Variants in GBX1 observed in about 807,000 individuals in gnomAD.
GBX1 encodes the protein homeobox protein GBX-1.
A neutral mutation model predicts 22.9 loss-of-function variants in GBX1; 9 were observed. The ratio of observed to expected loss-of-function variants is 0.39; its 90% CI spans 0.24 to 0.69. The LOEUF is 0.69. GBX1 is among the 30% of genes least tolerant of loss of function. The pLI is 0.43. For synonymous variants in GBX1, 203 were observed against 227.3 expected (o/e 0.89, Z 0.96); for missense variants, 494 against 509.2 (o/e 0.97, Z 0.29).
At position 151,148,803 on chromosome 7, in the gene GBX1, T is replaced by C; in HGVS notation, c.878A>G (p.Gln293Arg). ...KKYLSLTERS[Q>R]IAHALKLSEV... is the part of the protein sequence containing the mutation. ...ACTGAGCTTGAGGGCGTGGGCGATCTGAGAGCGCTCTGTCAAGCTCAGGTA... is the reference window on the plus strand; with the variant it reads ...ACTGAGCTTGAGGGCGTGGGCGATCCGAGAGCGCTCTGTCAAGCTCAGGTA... The change falls in exon 2 of 2, where the codon CAG becomes CGG. Residue 293 changes from glutamine (Q) to arginine (R), a missense_variant. Transcript: ENST00000297537. The surrounding 1 kb of genome is among the most constrained non-coding windows in gnomAD (Gnocchi z 5.1). The C allele has an allele frequency of 1.9e-6, 3 of 1,614,212 alleles. No homozygotes were observed. Among genetic ancestry groups the C allele is most frequent in the Non-Finnish European group, 2.5e-6 (3 of 1,180,032 alleles).
chr7:151,166,962 T>A (rs1314047836), intron 1 of GBX1, 49 bp downstream of exon 1: 1 of 1,581,018 alleles, frequency 6.3e-7, no homozygotes, highest in Non-Finnish European at 8.6e-7. Context: ...TGTCTGGAAT[T>A]TCCAGGTGAA....
intron 1 of GBX1, chr7:151,149,915 C>G (rs549017859): frequency 1.5e-4 from 70 of 456,018 alleles, no homozygotes; most frequent in South Asian, 1.0e-3. Flanking sequence ...CCATCTCTTT[C>G]CCACCTTCCC....
intron 1 of GBX1, among the ~76,000 whole-genome samples, chr7:151,160,128 C>G (rs1382409513): frequency 2.0e-5 from 3 of 152,144 alleles, no homozygotes; most frequent in Non-Finnish European, 4.4e-5. Flanking sequence ...TAGATAAAAA[C>G]AGAATTGTAG....
Position 151,167,529 on chromosome 7 carries a change from C to A in GBX1, c.20G>T (p.Gly7Val). 1 of 1,463,040 alleles carries A rather than the reference C, an allele frequency of 6.8e-7. No individual in the cohort carries two copies. Among genetic ancestry groups the A allele is most frequent in the Non-Finnish European group, 8.9e-7 (1 of 1,118,926 alleles). 90.6% of individuals were successfully genotyped at this position (1,463,040 alleles called of 1,614,324 possible). MQRAGG[G>V]SAPGGNGGGG... ...CCCGCCGTTGCCCCCAGGGGCGCTA[C>A]CGCCTCCGGCCCGCTGCATCTTGTT... The change falls in exon 1 of 2, where the codon GGT becomes GTT. Residue 7 changes from glycine to valine, a missense_variant. Gly to Val is a moderately radical substitution (Grantham distance 109). Transcript: ENST00000297537. This position sits in a 1 kb window ranked among gnomAD's most constrained non-coding sequence, Gnocchi z 5.9.
chr7:151,156,265 T>C (rs756250585), intron 1 of GBX1, among the ~76,000 whole-genome samples: 2 of 151,532 alleles, frequency 1.3e-5, no homozygotes, highest in South Asian at 2.1e-4. Context: ...CTTACACCTG[T>C]AATCCCAACT....
At chr7:151,156,263 T>C (rs1801132612) in intron 1 of GBX1, among the ~76,000 whole-genome samples, 1 of 151,510 alleles carries the variant, frequency 6.6e-6, no homozygotes. Flanking sequence ...GGCTTACACC[T>C]GTAATCCCAA....
At chr7:151,160,746 T>G (rs1392734061) in intron 1 of GBX1, among the ~76,000 whole-genome samples, 2 of 152,216 alleles carry the variant, frequency 1.3e-5, no homozygotes, top group African/African-American at 4.8e-5. Flanking sequence ...TCCTAGCACA[T>G]TAGCATTTCA....
chr7:151,156,209 C>G (rs1206003054), intron 1 of GBX1, among the ~76,000 whole-genome samples: 1 of 151,502 alleles, frequency 6.6e-6, no homozygotes, highest in Non-Finnish European at 1.5e-5. Flanking sequence ...CATGATGAAA[C>G]CCTGTCTCTA....
rs962341915 is a variant in GBX1 at position 151,162,474 on chromosome 7, T to C, written c.538+4537A>G. ...TCTCCTTGCATGATTTCAATTATTA[T>C]TGCCAATCTGTATTCAGAAATTAGC... On this transcript the variant is annotated intron_variant, in intron 1 of 1. Coordinates refer to ENST00000297537, the MANE Select transcript of GBX1 (RefSeq NM_001098834.3). Among the ~76,000 whole-genome samples, 6 of 152,352 alleles carry C rather than the reference T, an allele frequency of 3.9e-5. No homozygotes were observed. The South Asian group carries it at 1.2e-3, about 32-fold the overall frequency.
At chr7:151,166,474 A>ACCCCCC (rs376110409) in intron 1 of GBX1, among the ~76,000 whole-genome samples, 1 of 70,646 alleles carries the variant, frequency 1.4e-5, no homozygotes, top group Non-Finnish European at 2.7e-5. Context: ...TTGAGACGCA[A>ACCCCCC]CCCCCCCCCC....
chr7:151,152,879 G>A (rs1440486272), intron 1 of GBX1, among the ~76,000 whole-genome samples: 1 of 152,192 alleles, frequency 6.6e-6, no homozygotes, highest in South Asian at 2.1e-4. Context: ...AGGGGCAAGA[G>A]TTTCTCTCTG....
chr7:151,151,925 G>A (rs1185242287), intron 1 of GBX1, among the ~76,000 whole-genome samples: 1 of 152,082 alleles, frequency 6.6e-6, no homozygotes. Context: ...GTCTTTATCA[G>A]TGACACCTCC....
chr7:151,156,703 G>A (rs1166052684), intron 1 of GBX1, among the ~76,000 whole-genome samples: 1 of 151,852 alleles, frequency 6.6e-6, no homozygotes, highest in African/African-American at 2.4e-5. Context: ...ATGCATTTTT[G>A]GCTGGGCACG....
intron 1 of GBX1, among the ~76,000 whole-genome samples, chr7:151,163,014 C>T (rs1022767048): frequency 1.3e-5 from 2 of 152,090 alleles, no homozygotes; most frequent in Middle Eastern, 3.2e-3. Context: ...CCATGTTGGT[C>T]AGGCTAGTCT....
At chr7:151,155,186 C>T (rs1401390007) in intron 1 of GBX1, among the ~76,000 whole-genome samples, 1 of 152,222 alleles carries the variant, frequency 6.6e-6, no homozygotes, top group Non-Finnish European at 1.5e-5. Context: ...AGGTTAGGTT[C>T]TCTCCTGGTC....
chr7:151,162,224 C>T (rs1000447064), intron 1 of GBX1, among the ~76,000 whole-genome samples: 13 of 152,190 alleles, frequency 8.5e-5, no homozygotes, highest in Admixed American at 6.5e-4. Context: ...TCCATCACTT[C>T]CCCCAAAAAT....
At chr7:151,151,328 C>A (rs1303007198) in intron 1 of GBX1, among the ~76,000 whole-genome samples, 1 of 152,184 alleles carries the variant, frequency 6.6e-6, no homozygotes, top group African/African-American at 2.4e-5. Flanking sequence ...AGTACTGTAT[C>A]CTGTCTGTAG....
chr7:151,149,020 T>C lies in GBX1; in HGVS notation c.661A>G (p.Ser221Gly). ...AGAGCCCCTGGGCCCCCTGCAGAAC[T>C]GTCCAGGAAACCGTCATCCTCGCTG... ...GDSEDDGFLDSSAGGPGALLG... is the reference protein window; with the variant it reads ...GDSEDDGFLDGSAGGPGALLG... The change falls in exon 2 of 2, where the codon AGT becomes GGT. Residue 221 changes from serine to glycine, a missense_variant. This residue lies in a region of GBX1 where 365 missense variants were observed against 340.4 expected (regional missense o/e 1.07). Transcript: ENST00000297537. 2 of 1,613,986 alleles carry C rather than the reference T, an allele frequency of 1.2e-6. No homozygotes were observed. Among genetic ancestry groups the C allele is most frequent in the Non-Finnish European group, 1.7e-6 (2 of 1,180,006 alleles).
chr7:151,148,596 C>CCA lies in GBX1; in HGVS notation c.1084_1085insTG (p.Arg362LeufsTer18). 6.2e-7 allele frequency: 1 copy of CCA among 1,612,796 alleles called. No homozygotes were observed. Among genetic ancestry groups the CCA allele is most frequent in the Non-Finnish European group, 8.5e-7 (1 of 1,179,000 alleles). On this transcript the variant is annotated frameshift_variant, in exon 2 of 2. Coordinates refer to ENST00000297537, the MANE Select transcript of GBX1 (RefSeq NM_001098834.3). LOFTEE classifies it high-confidence loss of function. This position sits in a 1 kb window ranked among gnomAD's most constrained non-coding sequence, Gnocchi z 5.1. ...AAGTTCTTGGGTGCCCATTCAGGGC[C>CCA]GGGCCCCCTGCTCCATTTGTTGGTG...
Sources: gnomAD v4.1 joint callset for allele counts (sites outside exome capture counted in the v4.1 genomes callset) on GRCh38, gnomAD v4.1.1 for gene constraint, gnomAD v4.1.1 regional missense constraint, Gnocchi (gnomAD v3.1) non-coding constraint, MANE v1.5 for transcripts, NCBI Gene and HGNC (gene_info 2026-07-23, HGNC 2026-07-21) for gene names.